Variants in COL4A3 observed in about 807,000 individuals in gnomAD.
The protein encoded by COL4A3 is collagen alpha-3(IV) chain.
Under a neutral mutation model 217.4 loss-of-function variants are expected in COL4A3, and 135 were observed. The observed-to-expected ratio is 0.62, with a 90% CI of 0.54 to 0.72. COL4A3 has a LOEUF of 0.72. COL4A3 is among the 30% of genes least tolerant of loss of function. COL4A3 has a pLI of 0.00. For missense variants in COL4A3, 1,868 were observed against 2,119.9 expected (o/e 0.88, Z 2.33); for synonymous variants, 690 against 736.3 (o/e 0.94, Z 1.02).
At chr2:227,170,070 A>T (rs1386403912) in intron 1 of COL4A3, among the ~76,000 whole-genome samples, 1 of 152,122 alleles carries the variant, frequency 6.6e-6, no homozygotes, top group East Asian at 1.9e-4. Context: ...TTTCTGTGGG[A>T]TGTTAATTGG....
intron 1 of COL4A3, among the ~76,000 whole-genome samples, chr2:227,173,937 T>C (rs1216899153): frequency 1.3e-5 from 2 of 152,236 alleles, no homozygotes; most frequent in African/African-American, 2.4e-5. Context: ...CATATGTCTA[T>C]GTAAGTGGCA....
chr2:227,164,803 C>T lies in COL4A3; in HGVS notation c.77C>T (p.Ala26Val), dbSNP rs1361533883. ...LLLVLLAAAPAASKGCVCKDK... is the reference protein window; with the variant it reads ...LLLVLLAAAPVASKGCVCKDK... ...CTGGTGCTCCTGGCGGCGGCGCCCG[C>T]AGCCAGCAAGGTGAGTGGGGGCTGC... Residue 26 changes from alanine to valine, a missense_variant, in exon 1 of 52, where the codon GCA becomes GTA. Ala to Val is a moderately conservative substitution (Grantham distance 64). This residue lies in a region of COL4A3 where 365 missense variants were observed against 333.8 expected (regional missense o/e 1.09). Transcript: ENST00000396578. The surrounding 1 kb of genome is among the most constrained non-coding windows in gnomAD (Gnocchi z 4.8). 2 of 1,518,050 alleles carry T rather than the reference C, an allele frequency of 1.3e-6. No individual in the cohort carries two copies. The highest frequency in any genetic ancestry group is 1.2e-5 in the South Asian group (1 of 82,374). 94.0% of individuals were successfully genotyped at this position (1,518,050 alleles called of 1,614,324 possible). A position where few individuals can be genotyped will look rare whatever the true frequency, so the allele number is the denominator to read the frequency against.
intron 1 of COL4A3, among the ~76,000 whole-genome samples, chr2:227,167,095 AG>A (rs2065304639): frequency 6.6e-6 from 1 of 152,266 alleles, no homozygotes; most frequent in Non-Finnish European, 1.5e-5. Flanking sequence ...TTAGCAACTA[AG>A]CCAAAACTTT....
rs759117408 is a variant in COL4A3 at position 227,253,251 on chromosome 2, C to A, written c.646-45C>A. On this transcript the variant is annotated intron_variant, in intron 11 of 51. Transcript: ENST00000396578. The surrounding 1 kb of genome is among the most constrained non-coding windows in gnomAD (Gnocchi z 4.4). Reference sequence around the variant, plus strand: ...CTTTGATGGGTTTAGACTATTTATTCATATTTATTTTTAGAAAATAATTTG... The same window carrying A: ...CTTTGATGGGTTTAGACTATTTATTAATATTTATTTTTAGAAAATAATTTG... 2 of 1,520,674 alleles carry A rather than the reference C, an allele frequency of 1.3e-6. No individual in the cohort carries two copies. The highest frequency in any genetic ancestry group is 9.1e-7 in the Non-Finnish European group (1 of 1,095,734). 94.2% of individuals were successfully genotyped at this position (1,520,674 alleles called of 1,614,324 possible).
At chr2:227,279,694 T>C (rs1048242295) in intron 28 of COL4A3, 99 bp from the exon 29 acceptor site, 1 of 816,722 alleles carries the variant, frequency 1.2e-6, no homozygotes, top group East Asian at 2.8e-5. Flanking sequence ...TAAATTTTCA[T>C]AAAAGCATCT....
intron 1 of COL4A3, among the ~76,000 whole-genome samples, chr2:227,189,157 GGA>G (rs988941700): frequency 1.3e-5 from 2 of 152,120 alleles, no homozygotes; most frequent in African/African-American, 4.8e-5. Flanking sequence ...AGGGAGCTGG[GGA>G]GAAAGGCAGG....
intron 1 of COL4A3, among the ~76,000 whole-genome samples, chr2:227,195,791 A>C (rs6741679): frequency 0.63 from 94,879 of 150,694 alleles, 30,050 homozygotes; most frequent in East Asian, 0.67. Context: ...CAGCTCCATG[A>C]ATTATTGCCC....
At chr2:227,261,228 C>A in intron 20 of COL4A3, 111 bp downstream of exon 20, 1 of 989,980 alleles carries the variant, frequency 1.0e-6, no homozygotes, top group Non-Finnish European at 1.5e-6. Context: ...ATTAACTGAT[C>A]TAGAAGTGTT....
chr2:227,211,896 AC>A (rs1358403194), intron 1 of COL4A3, among the ~76,000 whole-genome samples: 1 of 151,944 alleles, frequency 6.6e-6, no homozygotes, highest in Non-Finnish European at 1.5e-5. Context: ...GACCTCACTG[AC>A]CTCAGGTGAT....
At chr2:227,193,212 C>T (rs553320837) in intron 1 of COL4A3, among the ~76,000 whole-genome samples, 4 of 152,144 alleles carry the variant, frequency 2.6e-5, no homozygotes, top group Admixed American at 1.3e-4. Context: ...CACAAAGAAA[C>T]AATGAAGGAA....
chr2:227,255,943 T>C, intron 15 of COL4A3, 83 bp from the exon 16 acceptor site: 1 of 1,382,834 alleles, frequency 7.2e-7, no homozygotes, highest in South Asian at 1.2e-5. Flanking sequence ...CAAGAGGAGA[T>C]GATCATATCA....
chr2:227,302,964 T>G (rs1322779526), intron 43 of COL4A3, 74 bp from the exon 44 acceptor site: 2 of 972,332 alleles, frequency 2.1e-6, no homozygotes, highest in Non-Finnish European at 3.3e-6. Context: ...CCTATTTGCA[T>G]TTTTAAAAAA....
At chr2:227,232,827 A>G (rs2068480994) in intron 1 of COL4A3, among the ~76,000 whole-genome samples, 1 of 152,206 alleles carries the variant, frequency 6.6e-6, no homozygotes. Context: ...TGAATGCATA[A>G]AAAGACATTT....
intron 1 of COL4A3, among the ~76,000 whole-genome samples, chr2:227,196,342 G>A (rs148738153): frequency 6.5e-4 from 98 of 150,874 alleles, no homozygotes; most frequent in Admixed American, 1.8e-3. Context: ...TTTTTAGACA[G>A]AGTCTTGCTC....
intron 1 of COL4A3, among the ~76,000 whole-genome samples, chr2:227,168,894 TTTA>T (rs1402144096): frequency 2.6e-5 from 4 of 152,010 alleles, no homozygotes; most frequent in Non-Finnish European, 5.9e-5. Flanking sequence ...TTTTTTTTAT[TTTA>T]TTATTATTAT....
intron 1 of COL4A3, chr2:227,222,311 C>T (rs1412417045): frequency 3.9e-5 from 6 of 152,058 alleles, no homozygotes; most frequent in Admixed American, 3.9e-4. Context: ...TTCTGTTCTG[C>T]CTGATTCATG....
intron 1 of COL4A3, among the ~76,000 whole-genome samples, chr2:227,192,658 T>C (rs1188341718): frequency 1.3e-5 from 2 of 152,150 alleles, no homozygotes; most frequent in Non-Finnish European, 2.9e-5. Flanking sequence ...AGTGTGTGTT[T>C]GTGGTAGTTG....
At chr2:227,202,131 A>G (rs2066709738) in intron 1 of COL4A3, among the ~76,000 whole-genome samples, 1 of 152,214 alleles carries the variant, frequency 6.6e-6, no homozygotes, top group African/African-American at 2.4e-5. Flanking sequence ...ACTATTAAGT[A>G]CGGGTTCATT....
intron 1 of COL4A3, among the ~76,000 whole-genome samples, chr2:227,171,199 G>T (rs555126125): frequency 3.3e-5 from 5 of 152,332 alleles, no homozygotes; most frequent in Admixed American, 3.3e-4. Flanking sequence ...TTCCCTGAAA[G>T]AAACTAGAAT....
Sources: allele counts gnomAD v4.1 joint callset (sites outside exome capture counted in the v4.1 genomes callset), GRCh38; gene constraint gnomAD v4.1.1; regional missense constraint gnomAD v4.1.1; non-coding constraint Gnocchi (gnomAD v3.1); transcripts MANE v1.5; gene names NCBI Gene and HGNC (gene_info 2026-07-23, HGNC 2026-07-21).